MIAT: variants seen among roughly 807,000 people sequenced by gnomAD.
MIAT encodes myocardial infarction associated transcript.
intron 2 of MIAT, among the ~76,000 whole-genome samples, chr22:26,659,027 T>C (rs960829106): frequency 6.6e-6 from 1 of 152,060 alleles, no homozygotes; most frequent in African/African-American, 2.4e-5. Context: ...CTGAGGACGG[T>C]GGTTCTCAGA....
At chr22:26,671,444 G>A (rs149471528), downstream of MIAT, 162 of 398,724 alleles carry the variant, frequency 4.1e-4, no homozygotes, top group African/African-American at 3.1e-3. Context: ...CAGCCGGGAC[G>A]CTGTGGCGTG....
Position 26,659,196 on chromosome 22 carries a change from C to T in MIAT, n.647-4120C>T, listed in dbSNP as rs544515695. Among the ~76,000 whole-genome samples, 11 of 152,250 alleles carry T rather than the reference C, an allele frequency of 7.2e-5. No individual in the cohort carries two copies. The South Asian group carries it at 2.3e-3, about 32-fold the overall frequency. ...TGCTTGGTTGAGGGAAGAGTGCCCC[C>T]ACCTCGCCCCTCAACTTTCTAGGCA... is the stretch of plus-strand genomic sequence containing the variant. On this transcript the variant is annotated intron_variant and non_coding_transcript_variant, in intron 2 of 5. Coordinates refer to ENST00000643270, the Ensembl canonical transcript of MIAT.
chr22:26,674,345 A>G (rs764146109), downstream of MIAT: 8 of 398,766 alleles, frequency 2.0e-5, no homozygotes, highest in East Asian at 2.5e-4. Flanking sequence ...AGCATACGCA[A>G]GGGATTCCAG....
downstream of MIAT, chr22:26,670,547 AC>A (rs905985127): frequency 8.2e-5 from 30 of 363,950 alleles, no homozygotes; most frequent in African/African-American, 6.2e-4. Flanking sequence ...CTGAGATGAT[AC>A]CCGACCCTCT....
chr22:26,651,519 A>G (rs913434274), intron 2 of MIAT, among the ~76,000 whole-genome samples: 1 of 152,204 alleles, frequency 6.6e-6, no homozygotes, highest in African/African-American at 2.4e-5. Context: ...GGGAATAGAA[A>G]AGGAAACGTG....
Position 26,669,559 on chromosome 22 carries a change from G to T in MIAT, n.3664G>T, listed in dbSNP as rs534301918. The T allele has an allele frequency of 5.3e-5, 21 of 398,564 alleles. No homozygotes were observed. In the East Asian group the frequency reaches 7.1e-4, roughly 14 times the overall value. 24.7% of individuals were successfully genotyped at this position (398,564 alleles called of 1,614,324 possible). ...CCTCATTTAACCTTAACCCCTTAAA[G>T]GTCCCATCTCCAAAAACAGTCACAT... On this transcript the variant is annotated non_coding_transcript_exon_variant, in exon 6 of 6. Coordinates refer to ENST00000643270, the Ensembl canonical transcript of MIAT.
At chr22:26,646,849 C>A (rs1930243070) in exon 1 of MIAT, 1 of 398,450 alleles carries the variant, frequency 2.5e-6, no homozygotes, top group African/African-American at 2.1e-5. Context: ...TCTGTGTCTG[C>A]AGAGAGGACC....
At chr22:26,657,135 C>CGCCCCTGGTCCGCGGTCGCGCGCA (rs1930485866) in intron 2 of MIAT, 4 of 188,704 alleles carry the variant, frequency 2.1e-5, no homozygotes, top group African/African-American at 9.3e-5. Context: ...CAGGCTTCTG[C>CGCCCCTGGTCCGCGGTCGCGCGCA]GCCCCTGGTC....
chr22:26,665,382 C>T (rs1347537328), intron 3 of MIAT: 14 of 397,996 alleles, frequency 3.5e-5, no homozygotes, highest in Non-Finnish European at 4.9e-5. Context: ...CCATACCTTC[C>T]TTTGTACCCT....
rs187523807 is a variant in MIAT, at chr22:26,647,116, A to G, written n.509-58A>G. On this transcript the variant is annotated intron_variant and non_coding_transcript_variant, in intron 1 of 5. Transcript: ENST00000643270. ...TGACACCGTCAGCATGGCTGTATTGAAACGGAGACCTCAGGCAAGCCACCT... is the reference window on the plus strand; with the variant it reads ...TGACACCGTCAGCATGGCTGTATTGGAACGGAGACCTCAGGCAAGCCACCT... The G allele has an allele frequency of 7.1e-4, 283 of 398,470 alleles. 2 individuals carry two copies. The East Asian group carries it at 9.4e-3, about 13-fold the overall frequency. The allele number at this position is 398,470 out of a possible 1,614,324, so 24.7% of individuals were successfully genotyped here.
intron 5 of MIAT, chr22:26,667,353 T>TGTGTGTGTGTGTGTGTGTGTGTGC (rs1491414770): frequency 7.6e-6 from 3 of 395,710 alleles, no homozygotes; most frequent in Admixed American, 4.5e-5. Flanking sequence ...TGTGTGTGTG[T>TGTGTGTGTGTGTGTGTGTGTGTGC]GCGTGTGCAC....
At chr22:26,676,110 T>C (rs41277339) in exon 5 of MIAT, 3 of 398,544 alleles carry the variant, frequency 7.5e-6, no homozygotes, top group Non-Finnish European at 1.3e-5. Context: ...ACAGGTGTTA[T>C]AATCCTTTCT....
chr22:26,672,746 CAGAA>C (rs1931097488), downstream of MIAT: 1 of 398,880 alleles, frequency 2.5e-6, no homozygotes, highest in Admixed American at 4.4e-5. Context: ...CACCGGAAGT[CAGAA>C]AGCGGAGCCT....
downstream of MIAT, chr22:26,671,655 CAG>C: frequency 5.0e-6 from 2 of 398,610 alleles, no homozygotes; most frequent in Non-Finnish European, 8.8e-6. Flanking sequence ...CGTTCCAGGA[CAG>C]AGAATGCAAA....
downstream of MIAT, chr22:26,673,585 A>G (rs1359572399): frequency 2.5e-6 from 1 of 398,658 alleles, no homozygotes; most frequent in Non-Finnish European, 4.4e-6. Context: ...CAACAGGTCT[A>G]ACATTCCTCG....
intron 2 of MIAT, among the ~76,000 whole-genome samples, chr22:26,662,805 T>C (rs1930720525): frequency 6.6e-6 from 1 of 152,192 alleles, no homozygotes; most frequent in South Asian, 2.1e-4. Context: ...AACAAATGTA[T>C]GTTTTCCTGG....
chr22:26,657,871 G>A (rs888731133), intron 2 of MIAT, among the ~76,000 whole-genome samples: 23 of 152,346 alleles, frequency 1.5e-4, no homozygotes, highest in African/African-American at 4.8e-4. Context: ...TGGCTGGGAT[G>A]GGGGGTGAGG....
chr22:26,672,019 C>G, downstream of MIAT: 1 of 399,042 alleles, frequency 2.5e-6, no homozygotes, highest in East Asian at 3.6e-5. Context: ...CTGTAGGCAG[C>G]TCTTTTGTTC....
intron 2 of MIAT, among the ~76,000 whole-genome samples, chr22:26,656,411 G>A (rs1404853423): frequency 2.0e-5 from 3 of 149,288 alleles, no homozygotes; most frequent in African/African-American, 5.0e-5. Flanking sequence ...TGCAACCTCC[G>A]CCTCCCGGGT....
Sources: allele counts gnomAD v4.1 joint callset (sites outside exome capture counted in the v4.1 genomes callset), GRCh38; gene constraint gnomAD v4.1.1; transcripts MANE v1.5; gene names NCBI Gene and HGNC (gene_info 2026-07-23, HGNC 2026-07-21).